RBFOX1: variants seen among roughly 807,000 people sequenced by gnomAD.
RBFOX1 encodes RNA binding protein fox-1 homolog 1.
RBFOX1 carries 8 observed loss-of-function variants against 57.7 expected under a neutral mutation model. The ratio of observed to expected loss-of-function variants is 0.14; its 90% CI spans 0.08 to 0.25. RBFOX1 has a LOEUF of 0.25. Ranked by LOEUF, RBFOX1 falls within the 10% of genes least tolerant of loss-of-function variation. RBFOX1 has a pLI of 1.00. For synonymous variants in RBFOX1, 326 were observed against 222.4 expected, an observed-to-expected ratio of 1.47 and a Z score of -4.15; for missense variants, 611 against 548.5, an observed-to-expected ratio of 1.11 and a Z score of -1.14.
At chr16:5,713,200 T>G (rs1222382666) in intron 3 of RBFOX1, among the ~76,000 whole-genome samples, 2 of 152,202 alleles carry the variant, frequency 1.3e-5, no homozygotes, top group Non-Finnish European at 2.9e-5. Context: ...CTTAAGCCAT[T>G]TGGGGCTAAT....
chr16:6,488,010 C>T (rs1261385270), intron 2 of RBFOX1, among the ~76,000 whole-genome samples: 2 of 151,938 alleles, frequency 1.3e-5, no homozygotes, highest in Non-Finnish European at 1.5e-5. Flanking sequence ...CACAGATATA[C>T]ACTCAAAAAG....
chr16:6,361,675 A>C (rs2088564632), intron 2 of RBFOX1, among the ~76,000 whole-genome samples: 1 of 151,852 alleles, frequency 6.6e-6, no homozygotes, highest in South Asian at 2.1e-4. Flanking sequence ...AAGCTGGCTA[A>C]TTAGTGTTAC....
intron 2 of RBFOX1, among the ~76,000 whole-genome samples, chr16:6,357,433 G>C (rs945474011): frequency 2.0e-5 from 3 of 151,870 alleles, no homozygotes; most frequent in Non-Finnish European, 4.4e-5. Flanking sequence ...CAGCTTATTG[G>C]TGGGGGTAAA....
At chr16:7,416,434 C>A (rs1568756750) in intron 4 of RBFOX1, among the ~76,000 whole-genome samples, 1 of 152,108 alleles carries the variant, frequency 6.6e-6, no homozygotes, top group Non-Finnish European at 1.5e-5. Flanking sequence ...GGAGTCACCC[C>A]CAACCTCTGC....
At position 6,299,041 on chromosome 16, in the gene RBFOX1, T is replaced by C. The variant is rs562000490; in HGVS notation, c.-126-17954T>C. On this transcript the variant is annotated intron_variant, in intron 1 of 15. Coordinates refer to ENST00000550418, the MANE Select transcript of RBFOX1 (RefSeq NM_018723.4). ...TTCTGCCCTTGTCTCTGATACTTCATCTCTGTTCCCAGGTAAAAGGCATCT... is the reference window on the plus strand; with the variant it reads ...TTCTGCCCTTGTCTCTGATACTTCACCTCTGTTCCCAGGTAAAAGGCATCT... Among the ~76,000 whole-genome samples the C allele has an allele frequency of 1.1e-4, 16 of 152,310 alleles. No individual in the cohort carries two copies. In the South Asian group the frequency reaches 3.3e-3, roughly 32 times the overall value.
At chr16:6,007,178 T>A (rs1403941656) in intron 4 of RBFOX1, among the ~76,000 whole-genome samples, 1 of 152,188 alleles carries the variant, frequency 6.6e-6, no homozygotes, top group Non-Finnish European at 1.5e-5. Context: ...CCTTTCAGCT[T>A]GGCGTGAATG....
At chr16:7,404,028 C>CTTTTATTTTGTTTTATTTTA (rs2098291335) in intron 4 of RBFOX1, among the ~76,000 whole-genome samples, 1 of 129,964 alleles carries the variant, frequency 7.7e-6, no homozygotes, top group Non-Finnish European at 1.6e-5. Flanking sequence ...ATTTCATTTC[C>CTTTTATTTTGTTTTATTTTA]TTTTATTTTA....
At chr16:6,948,847 C>T (rs1355235511) in intron 3 of RBFOX1, among the ~76,000 whole-genome samples, 1 of 152,134 alleles carries the variant, frequency 6.6e-6, no homozygotes, top group African/African-American at 2.4e-5. Flanking sequence ...TGTCATCAGT[C>T]TTCTGTCCGT....
chr16:6,731,429 CTCTG>C (rs776685544), intron 3 of RBFOX1, among the ~76,000 whole-genome samples: 19 of 152,164 alleles, frequency 1.2e-4, no homozygotes, highest in Admixed American at 8.5e-4. Context: ...TACTGCTACT[CTCTG>C]TCCTTCATCC....
chr16:6,192,909 C>A (rs892878561), intron 1 of RBFOX1, among the ~76,000 whole-genome samples: 1 of 152,156 alleles, frequency 6.6e-6, no homozygotes, highest in South Asian at 2.1e-4. Flanking sequence ...AACAGACAAG[C>A]ACTCTTTGAG....
intron 4 of RBFOX1, among the ~76,000 whole-genome samples, chr16:5,886,334 AC>A (rs1450964095): frequency 1.3e-5 from 2 of 152,192 alleles, no homozygotes; most frequent in African/African-American, 4.8e-5. Flanking sequence ...ATAAATTAAT[AC>A]ATGTGAAGTG....
intron 3 of RBFOX1, among the ~76,000 whole-genome samples, chr16:5,852,193 G>A (rs948966005): frequency 3.3e-5 from 5 of 152,034 alleles, no homozygotes; most frequent in Non-Finnish European, 7.4e-5. Flanking sequence ...TTCCAAGATC[G>A]TGCCTTCAAG....
rs1388358604 is a variant in RBFOX1, at chr16:7,710,026, C to T, written c.1072-597C>T. 7.0e-6 allele frequency: 7 copies of T among 1,002,872 alleles called. No homozygotes were observed. In the Admixed American group the frequency reaches 3.6e-4, roughly 51 times the overall value. The allele number at this position is 1,002,872 out of a possible 1,614,324, so 62.1% of individuals were successfully genotyped here. A position where few individuals can be genotyped will look rare whatever the true frequency, so the allele number is the denominator to read the frequency against. On this transcript the variant is annotated intron_variant, in intron 15 of 15. Coordinates refer to ENST00000550418, the MANE Select transcript of RBFOX1 (RefSeq NM_018723.4). ...AGTGCCACCTTGTAGCCATTAAAACCATGGCCGGACAGTTCACTGAAGCTC... is the reference window on the plus strand; with the variant it reads ...AGTGCCACCTTGTAGCCATTAAAACTATGGCCGGACAGTTCACTGAAGCTC...
At chr16:6,474,301 T>C (rs921189716) in intron 2 of RBFOX1, among the ~76,000 whole-genome samples, 1 of 152,144 alleles carries the variant, frequency 6.6e-6, no homozygotes, top group Non-Finnish European at 1.5e-5. Flanking sequence ...GTGACATCTG[T>C]TTTCAGGACC....
intron 3 of RBFOX1, among the ~76,000 whole-genome samples, chr16:6,723,538 A>T (rs191805195): frequency 4.6e-5 from 7 of 152,288 alleles, no homozygotes; most frequent in Non-Finnish European, 7.4e-5. Context: ...ACATTTCTGG[A>T]AGGTTCTAAC....
intron 3 of RBFOX1, among the ~76,000 whole-genome samples, chr16:5,630,146 A>G (rs778673785): frequency 5.3e-5 from 8 of 152,218 alleles, no homozygotes; most frequent in Non-Finnish European, 1.0e-4. Context: ...CTGCAGGAGT[A>G]GAGATCAAGG....
At chr16:6,734,162 T>C (rs2069434915) in intron 3 of RBFOX1, among the ~76,000 whole-genome samples, 1 of 152,166 alleles carries the variant, frequency 6.6e-6, no homozygotes, top group African/African-American at 2.4e-5. Flanking sequence ...TATTTGACGT[T>C]TTTTGTGCTT....
chr16:6,689,842 C>T (rs568754007), intron 3 of RBFOX1, among the ~76,000 whole-genome samples: 2 of 152,274 alleles, frequency 1.3e-5, no homozygotes, highest in East Asian at 3.9e-4. Flanking sequence ...TAAGCTTTGT[C>T]TCCTGCAAAG....
intron 1 of RBFOX1, among the ~76,000 whole-genome samples, chr16:6,072,090 A>G (rs1480141104): frequency 6.6e-6 from 1 of 152,208 alleles, no homozygotes; most frequent in East Asian, 1.9e-4. Flanking sequence ...CCTCACAATC[A>G]TGGCTGAAGG....
Sources: allele counts gnomAD v4.1 joint callset (sites outside exome capture counted in the v4.1 genomes callset), GRCh38; gene constraint gnomAD v4.1.1; transcripts MANE v1.5; gene names NCBI Gene and HGNC (gene_info 2026-07-23, HGNC 2026-07-21).